ZNF384: variants seen among roughly 807,000 people sequenced by gnomAD.
ZNF384 encodes the protein CAG repeat protein 1.
Under a neutral mutation model 65.0 loss-of-function variants are expected in ZNF384, and 20 were observed. The observed-to-expected ratio is 0.31, with a 90% confidence interval of 0.22 to 0.45. The LOEUF is 0.45. ZNF384 is among the 20% of genes least tolerant of loss of function. The pLI is 1.00. For synonymous variants in ZNF384, 310 were observed against 303.9 expected, an observed-to-expected ratio of 1.02 and a Z score of -0.21; for missense variants, 549 against 769.4, an observed-to-expected ratio of 0.71 and a Z score of 3.39.
intron 2 of ZNF384, among the ~76,000 whole-genome samples, chr12:6,683,527 A>G (rs936071152): frequency 6.6e-6 from 1 of 150,902 alleles, no homozygotes; most frequent in Admixed American, 6.6e-5. Flanking sequence ...AAAATACAAA[A>G]ATTAGCAAGG....
At chr12:6,681,478 C>T (rs1386921777) in intron 2 of ZNF384, among the ~76,000 whole-genome samples, 3 of 152,100 alleles carry the variant, frequency 2.0e-5, no homozygotes, top group African/African-American at 7.2e-5. Context: ...AAAAAAAGTA[C>T]ATAAATACAC....
chr12:6,686,820 T>A (rs920788537), intron 2 of ZNF384, among the ~76,000 whole-genome samples: 1 of 152,004 alleles, frequency 6.6e-6, no homozygotes, highest in Non-Finnish European at 1.5e-5. Flanking sequence ...TTAGTGAAAA[T>A]TACATAAGGA....
chr12:6,667,586 G>GT lies in ZNF384; in HGVS notation c.*127dup. On this transcript the variant is annotated 3_prime_UTR_variant, in exon 12 of 12. Coordinates refer to ENST00000683879, the MANE Select transcript of ZNF384 (RefSeq NM_001385745.1). ...GGATGGTATCCTGTGAAGGAAAGCC[G>GT]TGACAGAGGCCCAAGGAGATGGAGC... 2 of 1,236,318 alleles carry GT rather than the reference G, an allele frequency of 1.6e-6. No individual in the cohort carries two copies. The highest frequency in any genetic ancestry group is 2.4e-6 in the Non-Finnish European group (2 of 846,658). 76.6% of individuals were successfully genotyped at this position (1,236,318 alleles called of 1,614,324 possible). A position where few individuals can be genotyped will look rare whatever the true frequency, so the allele number is the denominator to read the frequency against.
chr12:6,679,248 T>C, intron 3 of ZNF384, 65 bp from the exon 4 acceptor site: 2 of 1,424,230 alleles, frequency 1.4e-6, no homozygotes, highest in African/African-American at 1.4e-5. Context: ...TGCTTGCTCG[T>C]GAGCACACTT....
At chr12:6,687,146 C>T (rs1354662215) in intron 2 of ZNF384, among the ~76,000 whole-genome samples, 1 of 152,174 alleles carries the variant, frequency 6.6e-6, no homozygotes, top group Non-Finnish European at 1.5e-5. Flanking sequence ...GACGCTTTCC[C>T]GCCAGTATCC....
rs752946015 is a variant in ZNF384 at position 6,678,922 on chromosome 12, T to C, written c.304+24A>G. The C allele has an allele frequency of 1.4e-5, 23 of 1,606,540 alleles. No individual in the cohort carries two copies. Among genetic ancestry groups the C allele is most frequent in the Non-Finnish European group, 1.9e-5 (22 of 1,173,712 alleles). On this transcript the variant is annotated intron_variant, in intron 4 of 11. Coordinates refer to ENST00000683879, the MANE Select transcript of ZNF384 (RefSeq NM_001385745.1). The surrounding 1 kb of genome is among the most constrained non-coding windows in gnomAD (Gnocchi z 4.9). ...GATCATGGAAGATCAACACCTCAGATTGGAGAAGAGCAGAGTTGCTCACCA... is the reference window on the plus strand; with the variant it reads ...GATCATGGAAGATCAACACCTCAGACTGGAGAAGAGCAGAGTTGCTCACCA...
chr12:6,682,452 A>C (rs1365804498), intron 2 of ZNF384, among the ~76,000 whole-genome samples: 1 of 152,230 alleles, frequency 6.6e-6, no homozygotes, highest in Admixed American at 6.5e-5. Context: ...TGAGTCCACC[A>C]GCATAGGCAA....
In ZNF384 at chr12:6,672,675, A is replaced by G. The variant is rs184667214; in HGVS notation, c.1005-143T>C. Reference sequence around the variant, plus strand: ...CTCCCAAAAACACTCCAGCCTGGATAGGCAAATGAAGAGGACACCCAGATC... The same window carrying G: ...CTCCCAAAAACACTCCAGCCTGGATGGGCAAATGAAGAGGACACCCAGATC... On this transcript the variant is annotated intron_variant, in intron 8 of 11. Coordinates refer to ENST00000683879, the MANE Select transcript of ZNF384 (RefSeq NM_001385745.1). The surrounding 1 kb of genome is among the most constrained non-coding windows in gnomAD (Gnocchi z 4.4). 3.6e-5 allele frequency: 28 copies of G among 769,782 alleles called. No homozygotes were observed. In the East Asian group the frequency reaches 6.2e-4, roughly 17 times the overall value. The allele number at this position is 769,782 out of a possible 1,614,324, so 47.7% of individuals were successfully genotyped here.
At position 6,672,110 on chromosome 12, in the gene ZNF384, G is replaced by A; in HGVS notation, c.1187+240C>T. 2.0e-6 allele frequency: 1 copy of A among 488,524 alleles called. No homozygotes were observed. The highest frequency in any genetic ancestry group is 2.7e-5 in the South Asian group (1 of 36,744). 30.3% of individuals were successfully genotyped at this position (488,524 alleles called of 1,614,324 possible). ...TCCAGGTACGTGTCTGTCTCCCATG[G>A]ATCAGTGAATATCATATAGTCACTG... On this transcript the variant is annotated intron_variant, in intron 9 of 11. Coordinates refer to ENST00000683879, the MANE Select transcript of ZNF384 (RefSeq NM_001385745.1). This position sits in a 1 kb window ranked among gnomAD's most constrained non-coding sequence, Gnocchi z 4.4.
Position 6,679,448 on chromosome 12 carries a change from C to T in ZNF384, c.66+7G>A, listed in dbSNP as rs765467766. ...CTTGGAGAGAGCAAGAAAGCAACAC[C>T]ACTTACCTGACCTGAGACTGTGGGG... On this transcript the variant is annotated splice_region_variant and intron_variant, in intron 3 of 11. Coordinates refer to ENST00000683879, the MANE Select transcript of ZNF384 (RefSeq NM_001385745.1). 1.2e-6 allele frequency: 2 copies of T among 1,613,450 alleles called. No individual in the cohort carries two copies. Among genetic ancestry groups the T allele is most frequent in the African/African-American group, 1.3e-5 (1 of 74,882 alleles).
chr12:6,687,340 G>A (rs766432047), intron 2 of ZNF384, among the ~76,000 whole-genome samples: 4 of 152,110 alleles, frequency 2.6e-5, no homozygotes, highest in Non-Finnish European at 4.4e-5. Context: ...TGGGAGGGAC[G>A]GCACGGTGGT....
chr12:6,682,278 C>G (rs58721780), intron 2 of ZNF384, among the ~76,000 whole-genome samples: 3,917 of 151,968 alleles, frequency 0.026, 187 homozygotes, highest in African/African-American at 0.091. Context: ...TATGAACACA[C>G]TACTGTACTC....
chr12:6,672,985 CAG>C lies in ZNF384; in HGVS notation c.1004+229_1004+230del, dbSNP rs1259407847. 1.8e-6 allele frequency: 1 copy of C among 549,466 alleles called. No homozygotes were observed. The highest frequency in any genetic ancestry group is 3.3e-6 in the Non-Finnish European group (1 of 306,258). The allele number at this position is 549,466 out of a possible 1,614,324, so 34.0% of individuals were successfully genotyped here. On this transcript the variant is annotated intron_variant, in intron 8 of 11. Transcript: ENST00000683879. This position sits in a 1 kb window ranked among gnomAD's most constrained non-coding sequence, Gnocchi z 4.4. ...TGCAGAAGATTTCCAAACACAGACA[CAG>C]AGAGAAACCACAAAAATTGTTCCAG...
At chr12:6,675,975 C>G (rs1175426839) in intron 7 of ZNF384, among the ~76,000 whole-genome samples, 2 of 152,146 alleles carry the variant, frequency 1.3e-5, no homozygotes. Context: ...CTGACCCACA[C>G]ATGCATCAAA....
Position 6,673,108 on chromosome 12 carries a change from G to A in ZNF384, c.1004+108C>T. Reference sequence around the variant, plus strand: ...AATAGGAGGTTGAGGCTACCAATGGGCAAAGGTGAAAGGGAAAGAATAATA... The same window carrying A: ...AATAGGAGGTTGAGGCTACCAATGGACAAAGGTGAAAGGGAAAGAATAATA... On this transcript the variant is annotated intron_variant, in intron 8 of 11. Transcript: ENST00000683879. The surrounding 1 kb of genome is among the most constrained non-coding windows in gnomAD (Gnocchi z 4.7). The A allele has an allele frequency of 9.6e-7, 1 of 1,046,226 alleles. No homozygotes were observed. The highest frequency in any genetic ancestry group is 1.4e-6 in the Non-Finnish European group (1 of 715,790). The allele number at this position is 1,046,226 out of a possible 1,614,324, so 64.8% of individuals were successfully genotyped here. A position where few individuals can be genotyped will look rare whatever the true frequency, so the allele number is the denominator to read the frequency against.
Position 6,669,485 on chromosome 12 carries a change from C to T in ZNF384, c.1267-296G>A, listed in dbSNP as rs577691361. On this transcript the variant is annotated intron_variant, in intron 10 of 11. Transcript: ENST00000683879. The stretch of plus-strand genomic sequence containing the variant: ...CACTAAGACCTTCACAGGGGGCCCA[C>T]AGGGTCAAAACTCTTTTTTTTTTTT... Among the ~76,000 whole-genome samples the T allele has an allele frequency of 5.2e-4, 78 of 151,272 alleles. No homozygotes were observed. In the South Asian group the frequency reaches 0.015, roughly 30 times the overall value.
At chr12:6,676,762 T>C (rs747274893) in intron 7 of ZNF384, among the ~76,000 whole-genome samples, 1 of 152,348 alleles carries the variant, frequency 6.6e-6, no homozygotes, top group Admixed American at 6.5e-5. Context: ...AGAATGCCTT[T>C]AAATGAATCA....
chr12:6,672,380 C>A lies in ZNF384; in HGVS notation c.1157G>T (p.Arg386Leu), dbSNP rs1951834455. The change falls in exon 9 of 12, where the codon CGC becomes CTC. Residue 386 changes from arginine to leucine, a missense_variant. Coordinates refer to ENST00000683879, the MANE Select transcript of ZNF384 (RefSeq NM_001385745.1). This position sits in a 1 kb window ranked among gnomAD's most constrained non-coding sequence, Gnocchi z 4.4. ...YNCSYCQKAF[R>L]QLSHLQQHTR... is the part of the protein sequence containing the mutation. Reference sequence around the variant, plus strand: ...GTGCTGCTGGAGGTGGGAGAGCTGGCGGAAGGCCTTCTGGCAGTAGGAACA... The same window carrying A: ...GTGCTGCTGGAGGTGGGAGAGCTGGAGGAAGGCCTTCTGGCAGTAGGAACA... 1.2e-6 allele frequency: 2 copies of A among 1,613,828 alleles called. No individual in the cohort carries two copies. Among genetic ancestry groups the A allele is most frequent in the African/African-American group, 2.7e-5 (2 of 74,930 alleles).
intron 10 of ZNF384, 32 bp from the exon 11 acceptor site, chr12:6,669,221 C>T (rs1236547404): frequency 3.2e-6 from 5 of 1,575,696 alleles, no homozygotes; most frequent in Non-Finnish European, 4.3e-6. Flanking sequence ...AGAATGAATA[C>T]ATTGTACTCT....
Sources: allele counts gnomAD v4.1 joint callset (sites outside exome capture counted in the v4.1 genomes callset), GRCh38; gene constraint gnomAD v4.1.1; non-coding constraint Gnocchi (gnomAD v3.1); transcripts MANE v1.5; gene names NCBI Gene and HGNC (gene_info 2026-07-23, HGNC 2026-07-21).